The following SLC45A4 variants were observed in gnomAD, a reference collection of about 807,000 sequenced individuals.
SLC45A4 encodes the protein solute carrier family 45 member 4, also known as polyamine-transporter SLC45A4.
Under a neutral mutation model 63.7 loss-of-function variants are expected in SLC45A4, and 32 were observed. The observed-to-expected ratio is 0.50, with a 90% CI of 0.38 to 0.67. The LOEUF is 0.67. SLC45A4 is among the 30% of genes least tolerant of loss of function. SLC45A4 has a pLI of 0.00. For missense variants in SLC45A4, 1,027 were observed against 1,157.7 expected (o/e 0.89, Z 1.64); for synonymous variants, 535 against 510.0 (o/e 1.05, Z -0.66).
intron 1 of SLC45A4, among the ~76,000 whole-genome samples, chr8:141,299,305 G>A (rs527245068): frequency 2.0e-5 from 3 of 152,330 alleles, no homozygotes; most frequent in South Asian, 2.1e-4. Context: ...GGGGAGCCCC[G>A]TGCCTTTAAG....
At chr8:141,249,929 T>G (rs1328590037) in intron 2 of SLC45A4, among the ~76,000 whole-genome samples, 1 of 152,244 alleles carries the variant, frequency 6.6e-6, no homozygotes, top group Non-Finnish European at 1.5e-5. Flanking sequence ...TATTCATGAT[T>G]CCTGCTCTCC....
At chr8:141,248,118 C>T (rs989575091) in intron 2 of SLC45A4, among the ~76,000 whole-genome samples, 1 of 152,220 alleles carries the variant, frequency 6.6e-6, no homozygotes, top group Non-Finnish European at 1.5e-5. Flanking sequence ...CACAGTACTA[C>T]ACTCCAGCCC....
intron 2 of SLC45A4, among the ~76,000 whole-genome samples, chr8:141,236,721 C>T (rs1827642969): frequency 6.6e-6 from 1 of 152,238 alleles, no homozygotes; most frequent in African/African-American, 2.4e-5. Context: ...CTTACTTTCA[C>T]AAAAAGCCCA....
intron 2 of SLC45A4, among the ~76,000 whole-genome samples, chr8:141,242,386 C>T (rs1405086613): frequency 2.0e-5 from 3 of 152,166 alleles, no homozygotes; most frequent in Admixed American, 1.3e-4. Context: ...ACTTCCACAG[C>T]GGGAATGAAC....
intron 1 of SLC45A4, among the ~76,000 whole-genome samples, chr8:141,266,853 T>C (rs988438596): frequency 1.7e-4 from 26 of 152,204 alleles, no homozygotes; most frequent in African/African-American, 6.3e-4. Flanking sequence ...AGGGCCCAGA[T>C]GTTGAAGTGC....
At chr8:141,212,063 C>A in intron 8 of SLC45A4, 134 bp downstream of exon 8, 3 of 1,402,744 alleles carry the variant, frequency 2.1e-6, no homozygotes, top group Non-Finnish European at 2.8e-6. Context: ...GGGCTCTGGC[C>A]CGCACTGCCG....
intron 1 of SLC45A4, among the ~76,000 whole-genome samples, chr8:141,288,305 C>A (rs1019811978): frequency 9.2e-5 from 14 of 152,240 alleles, no homozygotes; most frequent in African/African-American, 3.4e-4. Flanking sequence ...ACACAAACAC[C>A]AGAAACAGAA....
chr8:141,248,575 AT>A (rs200566491), intron 2 of SLC45A4, among the ~76,000 whole-genome samples: 22 of 152,004 alleles, frequency 1.4e-4, no homozygotes, highest in Admixed American at 4.6e-4. Flanking sequence ...AAAAAAAAAA[AT>A]AATAATAAAT....
chr8:141,284,994 G>A (rs1010499462), intron 1 of SLC45A4, among the ~76,000 whole-genome samples: 13 of 137,260 alleles, frequency 9.5e-5, no homozygotes, highest in Admixed American at 2.9e-4. Flanking sequence ...CAGCAAGGCC[G>A]GCTTGACAGG....
intron 2 of SLC45A4, among the ~76,000 whole-genome samples, chr8:141,248,149 C>T (rs1305339602): frequency 6.6e-6 from 1 of 152,168 alleles, no homozygotes; most frequent in African/African-American, 2.4e-5. Context: ...GTGAGACCTC[C>T]AGCTCTTAAA....
chr8:141,228,872 A>G (rs1233197951), intron 2 of SLC45A4, among the ~76,000 whole-genome samples: 1 of 151,690 alleles, frequency 6.6e-6, no homozygotes, highest in Non-Finnish European at 1.5e-5. Flanking sequence ...TCATATCTAG[A>G]CCTCCTCTGG....
chr8:141,217,367 C>G (rs1345207159), intron 5 of SLC45A4, among the ~76,000 whole-genome samples, 178 bp from the exon 6 acceptor site: 1 of 152,228 alleles, frequency 6.6e-6, no homozygotes, highest in Non-Finnish European at 1.5e-5. Context: ...ATTTCCATGC[C>G]TCCCAGACCA....
chr8:141,261,718 A>C (rs527282768), intron 1 of SLC45A4, among the ~76,000 whole-genome samples: 3 of 152,130 alleles, frequency 2.0e-5, no homozygotes, highest in South Asian at 4.1e-4. Context: ...TCAATGAAAT[A>C]AAAGAGGATA....
rs1486852481 is a variant in SLC45A4, at chr8:141,210,095, A to AT, written c.*1476_*1477insA. 6.6e-6 allele frequency: 1 copy of AT among 152,270 alleles called. No individual in the cohort carries two copies. The highest frequency in any genetic ancestry group is 1.5e-5 in the Non-Finnish European group (1 of 68,052). The allele number at this position is 152,270 out of a possible 1,614,324, so 9.4% of individuals were successfully genotyped here. A position where few individuals can be genotyped will look rare whatever the true frequency, so the allele number is the denominator to read the frequency against. On this transcript the variant is annotated 3_prime_UTR_variant, in exon 9 of 9. Transcript: ENST00000517878. Reference sequence around the variant, plus strand: ...CTCCAACTGTTTTATAGTCGTCAGGACGAGAAGCCGGAGAAACCAGCTAAG... The same window carrying AT: ...CTCCAACTGTTTTATAGTCGTCAGGATCGAGAAGCCGGAGAAACCAGCTAAG...
intron 1 of SLC45A4, among the ~76,000 whole-genome samples, chr8:141,261,670 T>C (rs891677631): frequency 2.0e-5 from 3 of 152,080 alleles, no homozygotes; most frequent in African/African-American, 4.8e-5. Flanking sequence ...TTACAAGGGA[T>C]GTGAAGGACC....
chr8:141,230,355 A>G (rs1306750461), intron 2 of SLC45A4: 2 of 345,350 alleles, frequency 5.8e-6, no homozygotes, highest in East Asian at 1.6e-4. Context: ...TCAGGACAGA[A>G]GGCAGAGAGG....
intron 1 of SLC45A4, among the ~76,000 whole-genome samples, chr8:141,268,152 T>C (rs924091118): frequency 4.6e-5 from 7 of 152,218 alleles, no homozygotes; most frequent in Admixed American, 3.3e-4. Context: ...TCTGACGCCA[T>C]GCACGAAAAG....
At chr8:141,217,062 G>C in intron 6 of SLC45A4, 28 bp downstream of exon 6, 1 of 1,609,202 alleles carries the variant, frequency 6.2e-7, no homozygotes, top group Non-Finnish European at 8.5e-7. Flanking sequence ...TGGGGTGCGA[G>C]TGCTGACCTG....
chr8:141,292,333 T>C (rs1285180913), intron 1 of SLC45A4, among the ~76,000 whole-genome samples: 2 of 152,232 alleles, frequency 1.3e-5, no homozygotes, highest in African/African-American at 2.4e-5. Context: ...TCCTCAGCTA[T>C]GTGGGCCGAC....
Sources: allele counts gnomAD v4.1 joint callset (sites outside exome capture counted in the v4.1 genomes callset), GRCh38; gene constraint gnomAD v4.1.1; transcripts MANE v1.5; gene names NCBI Gene and HGNC (gene_info 2026-07-23, HGNC 2026-07-21).